The following ELOA variants were observed in gnomAD, a reference collection of about 807,000 sequenced individuals.
ELOA encodes the protein elongin A.
ELOA carries 15 observed loss-of-function variants against 85.2 expected under a neutral mutation model. That is an observed-to-expected ratio of 0.18 (90% confidence interval 0.12 to 0.27). The LOEUF (loss-of-function observed/expected upper bound fraction) is 0.27, where lower values mean the gene tolerates loss of function less well. Among genes scored for constraint, ELOA ranks in the 10% least tolerant of loss-of-function variants. The pLI, the probability that ELOA is intolerant of heterozygous loss-of-function variation, is 1.00. For missense variants in ELOA, 769 were observed against 952.7 expected (o/e 0.81, Z 2.54); for synonymous variants, 348 against 357.2 (o/e 0.97, Z 0.29).
intron 10 of ELOA, among the ~76,000 whole-genome samples, chr1:23,758,943 A>G (rs57292498): frequency 0.037 from 5,660 of 152,262 alleles, 321 homozygotes; most frequent in African/African-American, 0.12. Flanking sequence ...TGGTTCACAC[A>G]CACCTGTAAT....
In ELOA at chr1:23,749,038, G is replaced by A. The variant is rs1190752920; in HGVS notation, c.93G>A (p.Lys31=). 3 of 1,613,364 alleles carry A rather than the reference G, an allele frequency of 1.9e-6. No homozygotes were observed. The South Asian group carries it at 3.3e-5, about 18-fold the overall frequency. Residue 31 remains lysine, a synonymous_variant, in exon 2 of 11, where the codon AAG becomes AAA. Transcript: ENST00000613537. ...PDPKKLLKYL[K]KLSTLPITVD... ...CTCTGCAGCTATTGAAATATTTGAA[G>A]AAACTCTCCACCCTGCCTATTACAG...
rs748073507 is a variant in ELOA at position 23,749,960 on chromosome 1, T to C, written c.239+12T>C. 1 of 1,604,482 alleles carries C rather than the reference T, an allele frequency of 6.2e-7. No individual in the cohort carries two copies. Among genetic ancestry groups the C allele is most frequent in the South Asian group, 1.1e-5 (1 of 90,062 alleles). On this transcript the variant is annotated intron_variant, in intron 3 of 10. Coordinates refer to ENST00000613537, the MANE Select transcript of ELOA (RefSeq NM_003198.3). ...GTTCCTGTGGAACGGTAAGAACATT[T>C]CTCTTTAGGTTTGTTCAATTTCATG...
At chr1:23,748,815 A>G (rs2124457922) in intron 1 of ELOA, among the ~76,000 whole-genome samples, 1 of 152,310 alleles carries the variant, frequency 6.6e-6, no homozygotes, top group East Asian at 1.9e-4. Context: ...ACCTGAGTGA[A>G]TCTTGCCCCA....
chr1:23,758,088 C>CT (rs1458748711), intron 10 of ELOA, among the ~76,000 whole-genome samples: 1 of 151,376 alleles, frequency 6.6e-6, no homozygotes, highest in Non-Finnish European at 1.5e-5. Flanking sequence ...TGGCACTCTT[C>CT]TTTTTTCACC....
At position 23,750,170 on chromosome 1, in the gene ELOA, C is replaced by CTTTTTTTTT. The variant is rs747972246; in HGVS notation, c.239+237_239+245dup. Among the ~76,000 whole-genome samples, 30 of 90,514 alleles carry CTTTTTTTTT rather than the reference C, an allele frequency of 3.3e-4. 2 individuals carry two copies. Among genetic ancestry groups the CTTTTTTTTT allele is most frequent in the Admixed American group, 4.9e-4 (3 of 6,160 alleles). The allele number at this position is 90,514 out of a possible 152,430, so 59.4% of individuals were successfully genotyped here. On this transcript the variant is annotated intron_variant, in intron 3 of 10. Coordinates refer to ENST00000613537, the MANE Select transcript of ELOA (RefSeq NM_003198.3). ...ACGTTATGAACATTTTGGTACGTTTCTTTTTTTTTTTTTTTTTTTTTTTGA... is the reference window on the plus strand; with the variant it reads ...ACGTTATGAACATTTTGGTACGTTTCTTTTTTTTTTTTTTTTTTTTTTTTTTTTTTTTGA...
At position 23,754,114 on chromosome 1, in the gene ELOA, C is replaced by A; in HGVS notation, c.1552C>A (p.Gln518Lys). ...QPKRKAFSSPQEEEEAGFTGR... is the reference protein window; with the variant it reads ...QPKRKAFSSPKEEEEAGFTGR... ...TTGCCCTATAGCGTTCTCTTCACCC[C>A]AGGAAGAAGAAGAAGCTGGATTTAC... Residue 518 changes from glutamine to lysine, a missense_variant, in exon 6 of 11, where the codon CAG becomes AAG. Gln to Lys is a moderately conservative substitution (Grantham distance 53, BLOSUM62 1). Around this residue, in one of 4 missense-constraint regions of ELOA, gnomAD observed 193 missense variants for 278.9 expected, o/e 0.69. Coordinates refer to ENST00000613537, the MANE Select transcript of ELOA (RefSeq NM_003198.3). 6.2e-7 allele frequency: 1 copy of A among 1,614,096 alleles called. No individual in the cohort carries two copies. Among genetic ancestry groups the A allele is most frequent in the East Asian group, 2.2e-5 (1 of 44,888 alleles).
intron 5 of ELOA, 75 bp from the exon 6 acceptor site, chr1:23,754,025 T>A (rs963951380): frequency 1.3e-6 from 2 of 1,540,912 alleles, no homozygotes; most frequent in African/African-American, 2.8e-5. Flanking sequence ...GAAAGGGAAG[T>A]AGGAGGCTGA....
At chr1:23,744,691 T>A (rs1644739009) in intron 1 of ELOA, among the ~76,000 whole-genome samples, 1 of 152,102 alleles carries the variant, frequency 6.6e-6, no homozygotes, top group African/African-American at 2.4e-5. Context: ...TTGTCAGGAT[T>A]TTTTAAGTGG....
In ELOA at chr1:23,750,373, C is replaced by T. The variant is rs1473415419; in HGVS notation, c.239+425C>T. Among the ~76,000 whole-genome samples, 6 of 151,860 alleles carry T rather than the reference C, an allele frequency of 4.0e-5. No individual in the cohort carries two copies. In the East Asian group the frequency reaches 5.8e-4, roughly 15 times the overall value. On this transcript the variant is annotated intron_variant, in intron 3 of 10. Coordinates refer to ENST00000613537, the MANE Select transcript of ELOA (RefSeq NM_003198.3). ...TGTATTTTTAGTAGAGACAGGGTTT[C>T]GCCGTATTAGCCAGGATAGGATGGT... is the stretch of plus-strand genomic sequence containing the variant.
At chr1:23,755,322 T>C (rs1243321624) in intron 7 of ELOA, among the ~76,000 whole-genome samples, 2 of 152,212 alleles carry the variant, frequency 1.3e-5, no homozygotes, top group Non-Finnish European at 2.9e-5. Flanking sequence ...TTTTGTGATA[T>C]TCTGTCACAG....
chr1:23,743,606 A>C (rs1420554799), intron 1 of ELOA, 28 bp downstream of exon 1: 1 of 1,471,146 alleles, frequency 6.8e-7, no homozygotes, highest in East Asian at 3.0e-5. Context: ...GCGTAGCGGG[A>C]TGGGCGTTGG....
At chr1:23,744,418 C>A (rs1288325822) in intron 1 of ELOA, 1 of 151,336 alleles carries the variant, frequency 6.6e-6, no homozygotes, top group Non-Finnish European at 1.5e-5. Flanking sequence ...CTTCTCTGGT[C>A]TCCAGGAGAC....
intron 8 of ELOA, 102 bp from the exon 9 acceptor site, chr1:23,756,172 C>T: frequency 2.8e-6 from 4 of 1,426,950 alleles, no homozygotes; most frequent in Admixed American, 2.5e-5. Flanking sequence ...CCATTCTACC[C>T]TACAAGTGGG....
Position 23,743,543 on chromosome 1 carries a change from C to T in ELOA, c.40C>T (p.Gln14Ter). ...GGCGCTCCAAGTTGTGGAGAAGCTG[C>T]AGGCGCGCCTGGCCGCGAACCCGGA... ...ESALQVVEKL[Q>*]ARLAANPDPK... Residue 14 changes from glutamine to a stop codon, truncating the protein, a stop_gained, in exon 1 of 11, where the codon CAG (glutamine) becomes TAG (stop). Coordinates refer to ENST00000613537, the MANE Select transcript of ELOA (RefSeq NM_003198.3). LOFTEE classifies it high-confidence loss of function. The T allele has an allele frequency of 6.7e-7, 1 of 1,497,538 alleles. No homozygotes were observed. The highest frequency in any genetic ancestry group is 8.9e-7 in the Non-Finnish European group (1 of 1,128,582). 92.8% of individuals were successfully genotyped at this position (1,497,538 alleles called of 1,614,324 possible). A position where few individuals can be genotyped will look rare whatever the true frequency, so the allele number is the denominator to read the frequency against.
At chr1:23,750,605 A>G (rs531211667) in intron 3 of ELOA, among the ~76,000 whole-genome samples, 13 of 152,030 alleles carry the variant, frequency 8.6e-5, no homozygotes, top group African/African-American at 3.1e-4. Context: ...AAATCTCCAC[A>G]TTTTCATGTA....
At chr1:23,757,158 T>C (rs759395188) in intron 10 of ELOA, 33 bp downstream of exon 10, 1 of 1,510,610 alleles carries the variant, frequency 6.6e-7, no homozygotes, top group East Asian at 2.4e-5. Flanking sequence ...TCAAATATTA[T>C]TTCAGCACTA....
At chr1:23,746,811 T>G (rs1220231978) in intron 1 of ELOA, among the ~76,000 whole-genome samples, 2 of 152,208 alleles carry the variant, frequency 1.3e-5, no homozygotes, top group African/African-American at 4.8e-5. Context: ...TACCAGTTCT[T>G]ACAAGCTCTA....
rs1638246733 is a variant in ELOA, at chr1:23,758,494, C to T, written c.2258-1018C>T. On this transcript the variant is annotated intron_variant, in intron 10 of 10. Coordinates refer to ENST00000613537, the MANE Select transcript of ELOA (RefSeq NM_003198.3). ...TTCACCATGTTGGCCAGGCTGGTCT[C>T]GAACCCCTGACCTTGTGATTCGCCC... Among the ~76,000 whole-genome samples the T allele has an allele frequency of 6.7e-5, 10 of 149,364 alleles. No individual in the cohort carries two copies. In the South Asian group the frequency reaches 2.2e-3, roughly 32 times the overall value.
Position 23,751,020 on chromosome 1 carries a change from C to G in ELOA, c.415C>G (p.Leu139Val). The change falls in exon 4 of 11, where the codon CTC becomes GTC. Residue 139 changes from leucine to valine, a missense_variant. Leu to Val is a conservative substitution (Grantham distance 32). Transcript: ENST00000613537. ...GAAGAAACATAGGAAACTCTCGGAG[C>G]TCGAGAGACCTCACAAAGTGTCTCA... ...RQKKHRKLSE[L>V]ERPHKVSHGH... The G allele has an allele frequency of 6.2e-7, 1 of 1,614,018 alleles. No individual in the cohort carries two copies.
Sources: gnomAD v4.1 joint callset for allele counts (sites outside exome capture counted in the v4.1 genomes callset) on GRCh38, gnomAD v4.1.1 for gene constraint, gnomAD v4.1.1 regional missense constraint, MANE v1.5 for transcripts, NCBI Gene and HGNC (gene_info 2026-07-23, HGNC 2026-07-21) for gene names.